Variants in MLIP observed in about 807,000 individuals in gnomAD.
The protein encoded by MLIP is muscular LMNA interacting protein, also known as muscular LMNA-interacting protein.
MLIP carries 79 observed loss-of-function variants against 84.8 expected under a neutral mutation model. The observed-to-expected ratio is 0.93, with a 90% CI of 0.78 to 1.12. The LOEUF (loss-of-function observed/expected upper bound fraction) is 1.12. Ranked by LOEUF, MLIP falls within the 50% of genes most tolerant of loss-of-function variation. The probability of loss-of-function intolerance (pLI) is 0.00; values close to 1 mark genes in which losing one functional copy is unlikely to be tolerated. For missense variants in MLIP, 1,257 were observed against 1,160.6 expected, an observed-to-expected ratio of 1.08 and a Z score of -1.21; for synonymous variants, 504 against 463.0, an observed-to-expected ratio of 1.09 and a Z score of -1.14.
At chr6:54,106,911 C>A (rs980787065), upstream of MLIP, among the ~76,000 whole-genome samples, 68 of 152,114 alleles carry the variant, frequency 4.5e-4, no homozygotes, top group African/African-American at 1.6e-3. Context: ...CAAGGAATGA[C>A]TCCTGGGCTA....
intron 11 of MLIP, among the ~76,000 whole-genome samples, chr6:54,209,710 C>T (rs1252989845): frequency 4.6e-5 from 7 of 152,002 alleles, no homozygotes; most frequent in Non-Finnish European, 7.4e-5. Flanking sequence ...GAGGGAAGAT[C>T]CTCATTTTTT....
intron 1 of MLIP, among the ~76,000 whole-genome samples, chr6:54,080,942 C>T (rs903896647): frequency 6.6e-6 from 1 of 151,774 alleles, no homozygotes; most frequent in African/African-American, 2.4e-5. Context: ...TCTTTCATGT[C>T]CCCTTCCCCT....
At position 54,046,876 on chromosome 6, in the gene MLIP, GA is replaced by G. The variant is rs1425020958; in HGVS notation, c.63+27789del. The G allele has an allele frequency of 3.9e-5, 6 of 152,276 alleles. No homozygotes were observed. The East Asian group carries it at 1.2e-3, about 29-fold the overall frequency. 9.4% of individuals were successfully genotyped at this position (152,276 alleles called of 1,614,324 possible). A position where few individuals can be genotyped will look rare whatever the true frequency, so the allele number is the denominator to read the frequency against. ...AGCTAATTTGGCACTCACTGAGGGA[GA>G]AAAGTAATAGCAAATGGCAGAAAGT... On this transcript the variant is annotated intron_variant, in intron 1 of 12. Coordinates refer to the MLIP transcript ENST00000274897.
intron 1 of MLIP, among the ~76,000 whole-genome samples, chr6:54,054,701 G>A (rs1346378620): frequency 6.6e-6 from 1 of 152,158 alleles, no homozygotes; most frequent in Admixed American, 6.5e-5. Flanking sequence ...ATTATCATGT[G>A]CAAGATAACA....
chr6:54,252,571 A>AT (rs1244769361), intron 12 of MLIP, among the ~76,000 whole-genome samples: 2 of 147,732 alleles, frequency 1.4e-5, no homozygotes, highest in African/African-American at 2.5e-5. Context: ...TATTATCATG[A>AT]TATGTATATA....
intron 11 of MLIP, among the ~76,000 whole-genome samples, chr6:54,207,728 C>G (rs547478139): frequency 3.8e-4 from 58 of 152,214 alleles, no homozygotes; most frequent in African/African-American, 1.2e-3. Context: ...AAACAATGAC[C>G]TTTTGAAAGT....
At chr6:54,134,359 G>A (rs1299670010) in intron 3 of MLIP, among the ~76,000 whole-genome samples, 1 of 151,902 alleles carries the variant, frequency 6.6e-6, no homozygotes, top group African/African-American at 2.4e-5. Context: ...AAAATATGGT[G>A]TCACATTTTT....
intron 3 of MLIP, among the ~76,000 whole-genome samples, chr6:54,133,044 G>GT (rs1771515780): frequency 6.6e-6 from 1 of 152,132 alleles, no homozygotes; most frequent in Non-Finnish European, 1.5e-5. Context: ...TAGCTAGAAT[G>GT]TTGGCAATGC....
intron 4 of MLIP, among the ~76,000 whole-genome samples, chr6:54,147,763 G>T (rs745497840): frequency 4.0e-5 from 6 of 151,828 alleles, no homozygotes; most frequent in Non-Finnish European, 5.9e-5. Flanking sequence ...ATGAATCAGA[G>T]TGTGTAAGTG....
chr6:54,232,988 C>T (rs1462990095), intron 12 of MLIP, among the ~76,000 whole-genome samples: 1 of 152,158 alleles, frequency 6.6e-6, no homozygotes, highest in Non-Finnish European at 1.5e-5. Flanking sequence ...TCAAACTCCT[C>T]ATGTCCTAAA....
At chr6:54,072,249 C>G (rs9395902) in intron 1 of MLIP, among the ~76,000 whole-genome samples, 15,051 of 152,132 alleles carry the variant, frequency 0.099, 1,018 homozygotes, top group East Asian at 0.33. Flanking sequence ...CCTGACCAAT[C>G]AATGACCCCA....
intron 1 of MLIP, among the ~76,000 whole-genome samples, chr6:54,076,029 CTGT>C (rs201521036): frequency 0.016 from 2,440 of 152,274 alleles, 183 homozygotes; most frequent in Admixed American, 0.14. Flanking sequence ...TGGATTAACA[CTGT>C]TGTTCAATAT....
rs551062499 is a variant in MLIP at position 54,127,926 on chromosome 6, G to A, written c.645+3061G>A. Among the ~76,000 whole-genome samples the A allele has an allele frequency of 4.4e-4, 67 of 152,300 alleles. 1 individual carries two copies. In the South Asian group the frequency reaches 0.013, roughly 30 times the overall value. ...AAAGTCTAAGAATTTTCTAGGGGTA[G>A]TATTAGAGTTACGGGAGAGGTGAAT... On this transcript the variant is annotated intron_variant, in intron 3 of 13. Coordinates refer to ENST00000502396, the MANE Select transcript of MLIP (RefSeq NM_001281747.2).
At position 54,230,891 on chromosome 6, in the gene MLIP, C is replaced by T. The variant is rs138540638; in HGVS notation, c.2896C>T (p.Leu966Phe). The change falls in exon 12 of 14, where the codon CTC (leucine) becomes TTC (phenylalanine). Residue 966 changes from leucine (L) to phenylalanine (F), a missense_variant. By Grantham distance (22) the Leu-to-Phe change is conservative. Coordinates refer to ENST00000502396, the MANE Select transcript of MLIP (RefSeq NM_001281747.2). ...TGATGAACAGGAGAATTCTCACACC[C>T]TCCTCAGTCACAACGCATGCAACAA... is the stretch of plus-strand genomic sequence containing the variant. Reference protein sequence around the residue: ...LSDEQENSHTLLSHNACNKLS... With the variant: ...LSDEQENSHTFLSHNACNKLS... 78 of 1,613,932 alleles carry T rather than the reference C, an allele frequency of 4.8e-5. No homozygotes were observed. The highest frequency in any genetic ancestry group is 6.1e-5 in the Non-Finnish European group (72 of 1,179,968).
At chr6:54,140,010 G>A (rs1582251269) in intron 4 of MLIP, among the ~76,000 whole-genome samples, 1 of 152,136 alleles carries the variant, frequency 6.6e-6, no homozygotes, top group Admixed American at 6.5e-5. Context: ...ATTCTCAATT[G>A]ACAATCCTAC....
intron 9 of MLIP, 45 bp from the exon 10 acceptor site, chr6:54,189,825 T>A (rs371534339): frequency 7.4e-5 from 104 of 1,400,194 alleles, no homozygotes; most frequent in Non-Finnish European, 9.9e-5. Flanking sequence ...CATATTTTAA[T>A]AAATTATGAG....
chr6:54,145,804 A>G (rs1390706628), intron 4 of MLIP, among the ~76,000 whole-genome samples: 11 of 151,384 alleles, frequency 7.3e-5, no homozygotes, highest in Admixed American at 7.3e-4. Context: ...CAAAAAAAAA[A>G]AGAAAAAGAA....
intron 11 of MLIP, among the ~76,000 whole-genome samples, chr6:54,212,001 A>G (rs1779487156): frequency 6.6e-6 from 1 of 152,034 alleles, no homozygotes; most frequent in Non-Finnish European, 1.5e-5. Context: ...AGAAGGTAAA[A>G]CTCTATCTCT....
intron 1 of MLIP, among the ~76,000 whole-genome samples, chr6:54,105,338 G>A (rs1415296931): frequency 6.6e-6 from 1 of 152,120 alleles, no homozygotes; most frequent in Non-Finnish European, 1.5e-5. Flanking sequence ...TATTCCAGTG[G>A]AACTAGGAAA....
Sources: allele counts gnomAD v4.1 joint callset (sites outside exome capture counted in the v4.1 genomes callset), GRCh38; gene constraint gnomAD v4.1.1; transcripts MANE v1.5; gene names NCBI Gene and HGNC (gene_info 2026-07-23, HGNC 2026-07-21).